The following DNAJC6 variants were observed in gnomAD, a reference collection of about 807,000 sequenced individuals.
DNAJC6 encodes the protein auxilin.
In DNAJC6, 34 loss-of-function variants were observed where a neutral mutation model predicts 110.0. The observed-to-expected ratio is 0.31, with a 90% CI of 0.24 to 0.41. The LOEUF is 0.41. Among genes scored for constraint, DNAJC6 ranks in the 10% least tolerant of loss-of-function variants. The pLI, the probability that DNAJC6 is intolerant of heterozygous loss-of-function variation, is 1.00. For missense variants in DNAJC6, 1,031 were observed against 1,207.8 expected (o/e 0.85, Z 2.17); for synonymous variants, 406 against 437.2 (o/e 0.93, Z 0.89).
intron 1 of DNAJC6, among the ~76,000 whole-genome samples, chr1:65,346,855 G>GC (rs1645441444): frequency 6.6e-6 from 1 of 151,778 alleles, no homozygotes; most frequent in Non-Finnish European, 1.5e-5. Context: ...TGCAATTCAG[G>GC]CATCACCTCT....
At chr1:65,312,626 C>G (rs978501419) in intron 1 of DNAJC6, among the ~76,000 whole-genome samples, 1 of 152,186 alleles carries the variant, frequency 6.6e-6, no homozygotes, top group Non-Finnish European at 1.5e-5. Context: ...TGATTTAAAG[C>G]TTAGTCTTAA....
chr1:65,356,589 A>G (rs1013021235), intron 1 of DNAJC6, among the ~76,000 whole-genome samples: 256 of 148,082 alleles, frequency 1.7e-3, no homozygotes, highest in African/African-American at 6.3e-3. Flanking sequence ...AATAAATAAA[A>G]TAAAATAAAA....
At chr1:65,281,612 T>G (rs12137723) in intron 1 of DNAJC6, among the ~76,000 whole-genome samples, 31,708 of 152,088 alleles carry the variant, frequency 0.21, 4,070 homozygotes, top group South Asian at 0.35. Context: ...TTTAGTTTTT[T>G]TTTTGTTTTG....
At chr1:65,321,198 AATTT>A (rs1395772540) in intron 1 of DNAJC6, among the ~76,000 whole-genome samples, 6 of 152,056 alleles carry the variant, frequency 3.9e-5, no homozygotes, top group Non-Finnish European at 8.8e-5. Context: ...GTCTTTTAAA[AATTT>A]ATTTATTTAT....
chr1:65,405,524 A>G (rs908026870), intron 15 of DNAJC6, among the ~76,000 whole-genome samples: 5 of 152,178 alleles, frequency 3.3e-5, no homozygotes, highest in Admixed American at 1.3e-4. Context: ...GAAGGATGGC[A>G]CAGTGGGAAG....
intron 15 of DNAJC6, among the ~76,000 whole-genome samples, chr1:65,404,262 C>G (rs1646055416): frequency 6.6e-6 from 1 of 152,188 alleles, no homozygotes; most frequent in Non-Finnish European, 1.5e-5. Context: ...CAGGCATGTG[C>G]TTATTAGCAT....
intron 1 of DNAJC6, among the ~76,000 whole-genome samples, chr1:65,341,533 A>C (rs1415536863): frequency 2.0e-5 from 3 of 152,174 alleles, no homozygotes; most frequent in Non-Finnish European, 4.4e-5. Flanking sequence ...TCAAAGAAAA[A>C]AGGCTGTGAC....
At chr1:65,297,668 A>C (rs147829176) in intron 1 of DNAJC6, among the ~76,000 whole-genome samples, 28 of 152,356 alleles carry the variant, frequency 1.8e-4, no homozygotes, top group Middle Eastern at 3.4e-3. Context: ...CTTGAAACAA[A>C]GATGATAACA....
chr1:65,266,884 G>A (rs886805859), intron 1 of DNAJC6, among the ~76,000 whole-genome samples: 2 of 151,146 alleles, frequency 1.3e-5, no homozygotes, highest in East Asian at 3.9e-4. Flanking sequence ...TCTAAGGAGA[G>A]TTGGTATTTA....
At chr1:65,385,220 AT>A (rs1645859637) in intron 6 of DNAJC6, among the ~76,000 whole-genome samples, 1 of 152,240 alleles carries the variant, frequency 6.6e-6, no homozygotes, top group South Asian at 2.1e-4. Context: ...TGATATAGAA[AT>A]AAAAGATTAC....
At chr1:65,292,814 A>G (rs1376005755) in intron 1 of DNAJC6, among the ~76,000 whole-genome samples, 2 of 152,182 alleles carry the variant, frequency 1.3e-5, no homozygotes, top group East Asian at 3.9e-4. Flanking sequence ...AAGACAGCAT[A>G]CATTCAGGTC....
chr1:65,367,515 T>A (rs1333810648), intron 4 of DNAJC6, among the ~76,000 whole-genome samples: 1 of 152,206 alleles, frequency 6.6e-6, no homozygotes, highest in Non-Finnish European at 1.5e-5. Flanking sequence ...ATTATTTTTC[T>A]TGACTGGAGG....
chr1:65,326,999 A>G (rs954795286), intron 1 of DNAJC6, among the ~76,000 whole-genome samples: 1 of 152,234 alleles, frequency 6.6e-6, no homozygotes, highest in Non-Finnish European at 1.5e-5. Flanking sequence ...CTGGCCCTCA[A>G]GTTGCTCTTT....
At chr1:65,321,905 T>G (rs924605360) in intron 1 of DNAJC6, among the ~76,000 whole-genome samples, 1 of 152,090 alleles carries the variant, frequency 6.6e-6, no homozygotes, top group Non-Finnish European at 1.5e-5. Flanking sequence ...ACAGGAAAAG[T>G]TGGGTTTTAA....
chr1:65,296,682 G>T (rs1483131659), intron 1 of DNAJC6, among the ~76,000 whole-genome samples: 1 of 151,394 alleles, frequency 6.6e-6, no homozygotes, highest in Non-Finnish European at 1.5e-5. Flanking sequence ...CCACCTTCTG[G>T]GTTCAAGCAA....
intron 14 of DNAJC6, among the ~76,000 whole-genome samples, chr1:65,401,112 T>C (rs1257816381): frequency 6.6e-6 from 1 of 152,198 alleles, no homozygotes; most frequent in Non-Finnish European, 1.5e-5. Flanking sequence ...TATACGTCTG[T>C]TGGTTTTCTT....
At chr1:65,344,293 C>T (rs1293128599) in intron 1 of DNAJC6, among the ~76,000 whole-genome samples, 2 of 152,178 alleles carry the variant, frequency 1.3e-5, no homozygotes, top group Non-Finnish European at 2.9e-5. Context: ...TTATTGAGCA[C>T]TTCTTGTAGA....
chr1:65,292,074 T>G (rs568526652), intron 1 of DNAJC6, among the ~76,000 whole-genome samples: 1 of 152,288 alleles, frequency 6.6e-6, no homozygotes, highest in African/African-American at 2.4e-5. Flanking sequence ...TGGAGTACAA[T>G]GGCGCGATCT....
intron 15 of DNAJC6, among the ~76,000 whole-genome samples, chr1:65,403,781 A>G (rs1430403366): frequency 6.6e-6 from 1 of 152,210 alleles, no homozygotes; most frequent in Non-Finnish European, 1.5e-5. Context: ...CTTGCTGAGC[A>G]TGGGGAGAAA....
Sources: gnomAD v4.1 joint callset for allele counts (sites outside exome capture counted in the v4.1 genomes callset) on GRCh38, gnomAD v4.1.1 for gene constraint, MANE v1.5 for transcripts, NCBI Gene and HGNC (gene_info 2026-07-23, HGNC 2026-07-21) for gene names.